The following FLG2 variants were observed in gnomAD, a reference collection of about 807,000 sequenced individuals.
The protein encoded by FLG2 is filaggrin-2.
In FLG2, 7 loss-of-function variants were observed where a neutral mutation model predicts 3.9. The ratio of observed to expected loss-of-function variants is 1.79; its 90% confidence interval spans 1.02 to 3.36. The LOEUF (loss-of-function observed/expected upper bound fraction) is 3.36, where lower values mean the gene tolerates loss of function less well. Among genes scored for constraint, FLG2 ranks in the 30% most tolerant of loss-of-function variants. The pLI, the probability that FLG2 is intolerant of heterozygous loss-of-function variation, is 0.00. For missense variants in FLG2, 2,700 were observed against 2,809.4 expected, an observed-to-expected ratio of 0.96 and a Z score of 0.88; for synonymous variants, 1,031 against 1,056.1, an observed-to-expected ratio of 0.98 and a Z score of 0.46.
rs555660257 is a variant in FLG2 at position 152,352,460 on chromosome 1, C to T, written c.5326G>A (p.Asp1776Asn). 28 of 1,612,874 alleles carry T rather than the reference C, an allele frequency of 1.7e-5. No homozygotes were observed. The highest frequency in any genetic ancestry group is 8.4e-5 in the Admixed American group (5 of 59,844). The change falls in exon 3 of 3, where the codon GAT becomes AAT. Residue 1776 changes from aspartate (D) to asparagine (N), a missense_variant. Asp to Asn is a conservative substitution (Grantham distance 23). Coordinates refer to ENST00000388718, the MANE Select transcript of FLG2 (RefSeq NM_001014342.3). ...RHGTIHGQTG[D>N]TTRHAHSGHG... Reference sequence around the variant, plus strand: ...CCAGAGTGGGCATGTCTGGTGGTATCGCCTGTCTGTCCATGTATAGTTCCA... The same window carrying T: ...CCAGAGTGGGCATGTCTGGTGGTATTGCCTGTCTGTCCATGTATAGTTCCA...
chr1:152,357,311 A>G lies in FLG2; in HGVS notation c.475T>C (p.Ser159Pro). 1 of 1,614,096 alleles carries G rather than the reference A, an allele frequency of 6.2e-7. No homozygotes were observed. The change falls in exon 3 of 3, where the codon TCC becomes CCC. Residue 159 changes from serine (S) to proline (P), a missense_variant. Ser to Pro is a moderately conservative substitution (Grantham distance 74, BLOSUM62 -1). Transcript: ENST00000388718. ...GTVKCRHGSN[S>P]RRLGRQGNLS... ...TTACCTTGTCTTCCTAGCCTCCTGG[A>G]GTTGGACCCATGTCTACATTTCACA...
chr1:152,355,343 C>A lies in FLG2; in HGVS notation c.2443G>T (p.Gly815Cys), dbSNP rs780204302. 1.6e-5 allele frequency: 26 copies of A among 1,613,714 alleles called. No homozygotes were observed. In the Admixed American group the frequency reaches 4.2e-4, roughly 26 times the overall value. The change falls in exon 3 of 3, where the codon GGT (glycine) becomes TGT (cysteine). Residue 815 changes from glycine (G) to cysteine (C), a missense_variant. Gly to Cys is a radical substitution (Grantham distance 159, BLOSUM62 -3). Transcript: ENST00000388718. ...TGTTGTCCAAAGCCAGCGGACTGAC[C>A]TGAGCCTGATCCATATTGGCCAAAG... ...TGFGQYGSGS[G>C]QSAGFGQHGS... is the part of the protein sequence containing the mutation.
chr1:152,354,185 G>A lies in FLG2; in HGVS notation c.3601C>T (p.Gln1201Ter). 1.9e-6 allele frequency: 3 copies of A among 1,614,260 alleles called. No individual in the cohort carries two copies. Among genetic ancestry groups the A allele is most frequent in the Non-Finnish European group, 2.5e-6 (3 of 1,180,046 alleles). The change falls in exon 3 of 3, where the codon CAG becomes TAG. Residue 1201 changes from glutamine (Q) to a stop codon, truncating the protein, a stop_gained. Transcript: ENST00000388718. LOFTEE classifies it low-confidence loss of function (END_TRUNC). ...CCATATTGGCCAAATCCAGTGGACT[G>A]ACCTGAGTCAGATATATGTTGTCCA... The part of the protein sequence containing the change: ...SSGQHISDSG[Q>*]STGFGQYGSG...
In FLG2 at chr1:152,354,309, G is replaced by T; in HGVS notation, c.3477C>A (p.Gly1159=). 6.2e-7 allele frequency: 1 copy of T among 1,614,240 alleles called. No individual in the cohort carries two copies. The highest frequency in any genetic ancestry group is 1.1e-5 in the South Asian group (1 of 91,082). The change falls in exon 3 of 3, where the codon GGC becomes GGA. Residue 1159 remains glycine (G), a synonymous_variant. Transcript: ENST00000388718. ...GGCCACAGCCAGATGATTGACTGGA[G>T]CCAGTACCATGTTGGCCATAGCTAG... The part of the protein sequence containing the change: ...GQSSYGQHGT[G]SSQSSGCGQH...
chr1:152,352,319 C>T lies in FLG2; in HGVS notation c.5467G>A (p.Gly1823Arg), dbSNP rs1159144028. 1 of 1,611,528 alleles carries T rather than the reference C, an allele frequency of 6.2e-7. No homozygotes were observed. Among genetic ancestry groups the T allele is most frequent in the Non-Finnish European group, 8.5e-7 (1 of 1,179,430 alleles). ...GATCCAGCCTGGCCGTGAGTGTGTC[C>T]TCGTGAGTGTGGTCTTTGTGAGAAC... ...SGFSQRPHSRGHTHGQAGSQH... is the reference protein window; with the variant it reads ...SGFSQRPHSRRHTHGQAGSQH... The change falls in exon 3 of 3, where the codon GGA becomes AGA. Residue 1823 changes from glycine to arginine, a missense_variant. Physicochemically the swap from Gly to Arg is moderately radical, Grantham distance 125. Coordinates refer to ENST00000388718, the MANE Select transcript of FLG2 (RefSeq NM_001014342.3).
In FLG2 at chr1:152,355,779, T is replaced by C; in HGVS notation, c.2007A>G (p.Gly669=). ...GSGSGQSSGF[G]QHVSGSGQSS... ...ATTGTCCTGAGCCAGAAACATGTTG[T>C]CCAAAGCCAGAGGACTGACCTGAGC... The change falls in exon 3 of 3, where the codon GGA becomes GGG. Residue 669 remains glycine (G), a synonymous_variant. Transcript: ENST00000388718. The C allele has an allele frequency of 1.2e-6, 2 of 1,613,250 alleles. No individual in the cohort carries two copies. Among genetic ancestry groups the C allele is most frequent in the Non-Finnish European group, 1.7e-6 (2 of 1,179,892 alleles).
At position 152,356,115 on chromosome 1, in the gene FLG2, G is replaced by A. The variant is rs577103396; in HGVS notation, c.1671C>T (p.Gly557=). The change falls in exon 3 of 3, where the codon GGC becomes GGT. Residue 557 remains glycine (G), a synonymous_variant. Transcript: ENST00000388718. ...GSGSSQSSGY[G]QYGSRETSGF... is the part of the protein sequence containing the mutation. ...CAGATGTCTCTCTAGACCCATATTG[G>A]CCATAGCCAGATGATTGACTTGAGC... 700 of 1,608,968 alleles carry A rather than the reference G, an allele frequency of 4.4e-4. 5 individuals carry two copies. The South Asian group carries it at 7.2e-3, about 16-fold the overall frequency.
rs764232452 is a variant in FLG2, at chr1:152,351,536, G to A, written c.6250C>T (p.His2084Tyr). 2 of 1,612,432 alleles carry A rather than the reference G, an allele frequency of 1.2e-6. No homozygotes were observed. Among genetic ancestry groups the A allele is most frequent in the Admixed American group, 1.7e-5 (1 of 59,840 alleles). Residue 2084 changes from histidine (H) to tyrosine (Y), a missense_variant, in exon 3 of 3, where the codon CAC becomes TAC. Physicochemically the swap from His to Tyr is moderately conservative, Grantham distance 83 (BLOSUM62 2). Transcript: ENST00000388718. ...TGTGTGGACTGTCCATGACCAGAGTGAGCATGTCTAGTGGTATCTCCTGTC... is the reference window on the plus strand; with the variant it reads ...TGTGTGGACTGTCCATGACCAGAGTAAGCATGTCTAGTGGTATCTCCTGTC... ...GQTGDTTRHA[H>Y]SGHGQSTQRG...
chr1:152,354,616 C>G lies in FLG2; in HGVS notation c.3170G>C (p.Gly1057Ala), dbSNP rs1654119527. The change falls in exon 3 of 3, where the codon GGT (glycine) becomes GCT (alanine). Residue 1057 changes from glycine to alanine, a missense_variant. Coordinates refer to ENST00000388718, the MANE Select transcript of FLG2 (RefSeq NM_001014342.3). Reference protein sequence around the residue: ...QSSGFGQHGTGSGQSSGFGQY... With the variant: ...QSSGFGQHGTASGQSSGFGQY... ...TCCAAAACCAGAGGATTGTCCTGAA[C>G]CAGTCCCATGTTGTCCAAAGCCAGA... The G allele has an allele frequency of 2.1e-5, 34 of 1,613,628 alleles. No individual in the cohort carries two copies. Among genetic ancestry groups the G allele is most frequent in the Non-Finnish European group, 2.7e-5 (32 of 1,179,988 alleles).
Position 152,356,872 on chromosome 1 carries a change from C to T in FLG2, c.914G>A (p.Gly305Glu), listed in dbSNP as rs1367375169. The change falls in exon 3 of 3, where the codon GGG becomes GAG. Residue 305 changes from glycine (G) to glutamate (E), a missense_variant. Transcript: ENST00000388718. ...SSSCQSHRFG[G>E]QGNQFSYIQS... Reference sequence around the variant, plus strand: ...AATATAGCTAAATTGATTTCCTTGCCCTCCAAATCTATGTGACTGACAAGA... The same window carrying T: ...AATATAGCTAAATTGATTTCCTTGCTCTCCAAATCTATGTGACTGACAAGA... 3.7e-6 allele frequency: 6 copies of T among 1,614,178 alleles called. No individual in the cohort carries two copies. In the East Asian group the frequency reaches 6.7e-5, roughly 18 times the overall value.
Position 152,354,641 on chromosome 1 carries a change from A to G in FLG2, c.3145T>C (p.Ser1049Pro). The change falls in exon 3 of 3, where the codon TCT becomes CCT. Residue 1049 changes from serine (S) to proline (P), a missense_variant. Coordinates refer to ENST00000388718, the MANE Select transcript of FLG2 (RefSeq NM_001014342.3). Reference sequence around the variant, plus strand: ...CCAGTCCCATGTTGTCCAAAGCCAGAGGACTGATCTGAGCCTGATCCATGT... The same window carrying G: ...CCAGTCCCATGTTGTCCAAAGCCAGGGGACTGATCTGAGCCTGATCCATGT... ...GQHGSGSDQS[S>P]GFGQHGTGSG... is the part of the protein sequence containing the mutation. The G allele has an allele frequency of 6.2e-7, 1 of 1,613,774 alleles. No individual in the cohort carries two copies. Among genetic ancestry groups the G allele is most frequent in the Non-Finnish European group, 8.5e-7 (1 of 1,179,918 alleles).
chr1:152,356,663 T>C lies in FLG2; in HGVS notation c.1123A>G (p.Ser375Gly). 1 of 1,614,234 alleles carries C rather than the reference T, an allele frequency of 6.2e-7. No homozygotes were observed. Among genetic ancestry groups the C allele is most frequent in the Non-Finnish European group, 8.5e-7 (1 of 1,180,036 alleles). ...NCGGQWRTGS[S>G]QSSCCGQYGS... is the part of the protein sequence containing the mutation. The stretch of plus-strand genomic sequence containing the variant: ...TATTGTCCACAGCAAGAGGACTGAC[T>C]TGAGCCTGTTCTCCATTGTCCTCCA... Residue 375 changes from serine to glycine, a missense_variant, in exon 3 of 3, where the codon AGT becomes GGT. Ser to Gly is a moderately conservative substitution (Grantham distance 56). Transcript: ENST00000388718.
chr1:152,356,909 T>G lies in FLG2; in HGVS notation c.877A>C (p.Asn293His), dbSNP rs1266352893. ...TGTGACTGACAAGAACTTGAAGCAT[T>G]TTGTGGCCTTCCACACCCACTTGAA... Reference protein sequence around the residue: ...SNSSGCGRPQNASSSCQSHRF... With the variant: ...SNSSGCGRPQHASSSCQSHRF... Residue 293 changes from asparagine to histidine, a missense_variant, in exon 3 of 3, where the codon AAT becomes CAT. Asn to His is a moderately conservative substitution (Grantham distance 68). Coordinates refer to ENST00000388718, the MANE Select transcript of FLG2 (RefSeq NM_001014342.3). 10 of 1,614,096 alleles carry G rather than the reference T, an allele frequency of 6.2e-6. No homozygotes were observed. The highest frequency in any genetic ancestry group is 3.3e-4 in the Middle Eastern group (2 of 6,084).
At position 152,351,933 on chromosome 1, in the gene FLG2, C is replaced by A; in HGVS notation, c.5853G>T (p.Arg1951Ser). 2 of 1,613,774 alleles carry A rather than the reference C, an allele frequency of 1.2e-6. No homozygotes were observed. Among genetic ancestry groups the A allele is most frequent in the Middle Eastern group, 1.6e-4 (1 of 6,062 alleles). ...IQTGSRTTGRRGSGHSEYSDS... is the reference protein window; with the variant it reads ...IQTGSRTTGRSGSGHSEYSDS... ...CACTGTACTCACTGTGGCCAGATCC[C>A]CTTCTTCCAGTTGTCCTGGACCCTG... Residue 1951 changes from arginine (R) to serine (S), a missense_variant, in exon 3 of 3, where the codon AGG becomes AGT. Arg to Ser is a moderately radical substitution (Grantham distance 110). Transcript: ENST00000388718.
In FLG2 at chr1:152,350,424, C is replaced by A; in HGVS notation, c.*186G>T. The A allele has an allele frequency of 1.5e-5, 11 of 729,426 alleles. No homozygotes were observed. In the South Asian group the frequency reaches 2.2e-4, roughly 15 times the overall value. The allele number at this position is 729,426 out of a possible 1,614,324, so 45.2% of individuals were successfully genotyped here. A position where few individuals can be genotyped will look rare whatever the true frequency, so the allele number is the denominator to read the frequency against. On this transcript the variant is annotated 3_prime_UTR_variant, in exon 3 of 3. Transcript: ENST00000388718. ...CAGGTTGAACATAGGTGTTGTTTGA[C>A]TGTTTATGAGTTACTATAGAATGTC...
intron 2 of FLG2, 117 bp from the exon 3 acceptor site, chr1:152,357,764 A>G (rs1654307404): frequency 2.8e-6 from 2 of 724,724 alleles, no homozygotes; most frequent in East Asian, 2.6e-5. Context: ...TTTTAGTCCA[A>G]TAAAGGATTA....
rs1653867073 is a variant in FLG2 at position 152,350,551 on chromosome 1, T to C, written c.*59A>G. On this transcript the variant is annotated 3_prime_UTR_variant, in exon 3 of 3. Coordinates refer to ENST00000388718, the MANE Select transcript of FLG2 (RefSeq NM_001014342.3). ...CATTGACTGTTCATGATTTAAACTG[T>C]GTCTTCCTGTTCTTTTAGTTGCTTT... 3.2e-6 allele frequency: 5 copies of C among 1,549,768 alleles called. 1 individual carries two copies. In the South Asian group the frequency reaches 6.4e-5, roughly 20 times the overall value.
rs770360149 is a variant in FLG2 at position 152,357,423 on chromosome 1, A to G, written c.363T>C (p.Asp121=). The change falls in exon 3 of 3, where the codon GAT becomes GAC. Residue 121 remains aspartate (D), a synonymous_variant. Transcript: ENST00000388718. The stretch of plus-strand genomic sequence containing the variant: ...TGTAACCTGATTTATGTCCTGGTGT[A>G]TCCTCTTCATCCTCTTCTGTTTCAC... ...EESETEEDEE[D]TPGHKSGYRH... is the part of the protein sequence containing the mutation. The G allele has an allele frequency of 3.1e-6, 5 of 1,613,846 alleles. No individual in the cohort carries two copies. In the Admixed American group the frequency reaches 5.0e-5, roughly 16 times the overall value.
In FLG2 at chr1:152,354,055, A is replaced by G. The variant is rs762907345; in HGVS notation, c.3731T>C (p.Ile1244Thr). The change falls in exon 3 of 3, where the codon ATA becomes ACA. Residue 1244 changes from isoleucine to threonine, a missense_variant. By Grantham distance (89) the Ile-to-Thr change is moderately conservative. Transcript: ENST00000388718. ...GRQETTHGQT[I>T]NTTRHSQSGQ... ...AGACTGGCTATGTCTAGTGGTATTTATTGTCTGACCATGAGTAGTTTCCTG... is the reference window on the plus strand; with the variant it reads ...AGACTGGCTATGTCTAGTGGTATTTGTTGTCTGACCATGAGTAGTTTCCTG... The G allele has an allele frequency of 2.5e-6, 4 of 1,613,762 alleles. No homozygotes were observed. The highest frequency in any genetic ancestry group is 2.7e-5 in the African/African-American group (2 of 74,806).
Sources: gnomAD v4.1 joint callset for allele counts on GRCh38, gnomAD v4.1.1 for gene constraint, MANE v1.5 for transcripts, NCBI Gene and HGNC (gene_info 2026-07-23, HGNC 2026-07-21) for gene names.